MEF2C: variants seen among roughly 807,000 people sequenced by gnomAD.
MEF2C encodes myocyte enhancer factor 2C.
MEF2C carries 6 observed loss-of-function variants against 50.5 expected under a neutral mutation model. The ratio of observed to expected loss-of-function variants is 0.12; its 90% CI spans 0.07 to 0.23. The LOEUF is 0.23. Ranked by LOEUF, MEF2C falls within the 10% of genes least tolerant of loss-of-function variation. The pLI is 1.00. For missense variants in MEF2C, 276 were observed against 605.0 expected (o/e 0.46, Z 5.70); for synonymous variants, 183 against 228.0 (o/e 0.80, Z 1.78).
At chr5:88,883,436 CAG>C (rs1833583727), upstream of MEF2C, 1 of 143,854 alleles carries the variant, frequency 7.0e-6, no homozygotes, top group Admixed American at 7.7e-5. Flanking sequence ...AAGGAAGTGA[CAG>C]AAGACGAATG....
intron 4 of MEF2C, among the ~76,000 whole-genome samples, chr5:88,753,615 T>C (rs1773879253): frequency 6.6e-6 from 1 of 152,200 alleles, no homozygotes; most frequent in South Asian, 2.1e-4. Context: ...GGTCTTGAAC[T>C]CCTGAGCGCA....
intron 6 of MEF2C, chr5:88,746,783 G>T: frequency 1.3e-6 from 1 of 753,218 alleles, no homozygotes; most frequent in South Asian, 6.0e-5. Context: ...GGACATGACA[G>T]CTAAGCTTGA....
rs144142487 is a variant in MEF2C, at chr5:88,830,461, T to A, written c.-142-6531A>T. 2.2e-4 allele frequency among the ~76,000 whole-genome samples: 33 copies of A among 152,244 alleles called. 1 individual carries two copies. The East Asian group carries it at 6.2e-3, about 29-fold the overall frequency. On this transcript the variant is annotated intron_variant, in intron 1 of 10. Transcript: ENST00000504921. ...AGAATTTAGGAGACACATACCTTTATACAATTGTATTGCATTATAAACAAT... is the reference window on the plus strand; with the variant it reads ...AGAATTTAGGAGACACATACCTTTAAACAATTGTATTGCATTATAAACAAT...
intron 5 of MEF2C, chr5:88,749,592 T>A: frequency 1.4e-6 from 1 of 711,592 alleles, no homozygotes; most frequent in Non-Finnish European, 1.7e-6. Context: ...TCTTATTGAC[T>A]GACACAATAT....
At chr5:88,739,927 A>C in intron 6 of MEF2C, 2 of 985,286 alleles carry the variant, frequency 2.0e-6, no homozygotes, top group Non-Finnish European at 2.4e-6. Flanking sequence ...CACAAAATAA[A>C]GGCTCCACTT....
chr5:88,823,904 G>A lies in MEF2C; in HGVS notation c.-116C>T. On this transcript the variant is annotated 5_prime_UTR_variant, in exon 2 of 11. Transcript: ENST00000504921. ...CCTTCTTCAGCACTTGCACAGCTCAGTTCCCAAATTCCTGCATTCGTTCCT... is the reference window on the plus strand; with the variant it reads ...CCTTCTTCAGCACTTGCACAGCTCAATTCCCAAATTCCTGCATTCGTTCCT... The A allele has an allele frequency of 6.7e-7, 1 of 1,487,532 alleles. No homozygotes were observed. The highest frequency in any genetic ancestry group is 2.2e-5 in the Admixed American group (1 of 44,722). 92.1% of individuals were successfully genotyped at this position (1,487,532 alleles called of 1,614,324 possible).
At chr5:88,869,983 T>TA (rs1386302977) in intron 1 of MEF2C, among the ~76,000 whole-genome samples, 1 of 151,628 alleles carries the variant, frequency 6.6e-6, no homozygotes. Context: ...AACTGGTACT[T>TA]ACGGCCATAT....
At chr5:88,803,158 G>A (rs1308321603) in intron 3 of MEF2C, among the ~76,000 whole-genome samples, 1 of 152,082 alleles carries the variant, frequency 6.6e-6, no homozygotes, top group African/African-American at 2.4e-5. Flanking sequence ...TTTTATCAGT[G>A]ATCCTAAATT....
chr5:88,771,096 A>G (rs1332374777), intron 3 of MEF2C, among the ~76,000 whole-genome samples: 1 of 152,226 alleles, frequency 6.6e-6, no homozygotes, highest in African/African-American at 2.4e-5. Flanking sequence ...ATCACATCTC[A>G]TAAGACTTAT....
At chr5:88,896,929 T>A (rs1835172155) in intron 1 of MEF2C, among the ~76,000 whole-genome samples, 1 of 139,972 alleles carries the variant, frequency 7.1e-6, no homozygotes, top group Non-Finnish European at 1.5e-5. Flanking sequence ...GTATCAGTTG[T>A]GAACTCAGTA....
chr5:88,808,356 A>G (rs1801408017), intron 2 of MEF2C, among the ~76,000 whole-genome samples: 1 of 152,164 alleles, frequency 6.6e-6, no homozygotes, highest in Admixed American at 6.5e-5. Context: ...TCAATACAGT[A>G]TGGTTTCTGT....
chr5:88,781,535 T>C (rs1318112451), intron 3 of MEF2C, among the ~76,000 whole-genome samples: 1 of 152,228 alleles, frequency 6.6e-6, no homozygotes, highest in Non-Finnish European at 1.5e-5. Context: ...AAAATGTGTG[T>C]CTGTCCCTCC....
intron 3 of MEF2C, among the ~76,000 whole-genome samples, chr5:88,764,062 T>C (rs1298861304): frequency 6.6e-6 from 1 of 152,164 alleles, no homozygotes; most frequent in African/African-American, 2.4e-5. Context: ...AACCAATAAA[T>C]CTTATTGTAA....
At chr5:88,741,557 G>A (rs79032298) in intron 6 of MEF2C, 27,946 of 985,114 alleles carry the variant, frequency 0.028, 462 homozygotes, top group Non-Finnish European at 0.032. Context: ...TAATATTAGA[G>A]CCAACTAAAG....
intron 7 of MEF2C, 42 bp downstream of exon 7, chr5:88,731,687 A>G (rs1761726713): frequency 6.4e-7 from 1 of 1,556,798 alleles, no homozygotes; most frequent in Non-Finnish European, 8.8e-7. Context: ...AAACATATAC[A>G]AAACATTATC....
Position 88,729,165 on chromosome 5 carries a change from A to G in MEF2C, c.964+53T>C, listed in dbSNP as rs571625337. ...AGTAAAAGATAACTTTTTCATCTTG[A>G]TTTTCAATAAAAAGTATTTAGTGTA... is the stretch of plus-strand genomic sequence containing the variant. On this transcript the variant is annotated intron_variant, in intron 9 of 10. Coordinates refer to ENST00000504921, the MANE Select transcript of MEF2C (RefSeq NM_002397.5). 185 of 1,606,680 alleles carry G rather than the reference A, an allele frequency of 1.2e-4. 1 individual carries two copies. In the South Asian group the frequency reaches 1.9e-3, roughly 16 times the overall value.
intron 6 of MEF2C, chr5:88,743,352 G>A (rs1767762859): frequency 1.0e-6 from 1 of 985,178 alleles, no homozygotes; most frequent in South Asian, 4.7e-5. Context: ...TTGCAGAGAA[G>A]TCTTTCTGGC....
At chr5:88,845,293 A>T (rs1460141375) in intron 1 of MEF2C, among the ~76,000 whole-genome samples, 2 of 152,194 alleles carry the variant, frequency 1.3e-5, no homozygotes, top group Non-Finnish European at 2.9e-5. Context: ...CAGGAAGGAA[A>T]AGTTTTTAAA....
At chr5:88,892,768 T>G (rs1171483394) in intron 1 of MEF2C, among the ~76,000 whole-genome samples, 1 of 152,186 alleles carries the variant, frequency 6.6e-6, no homozygotes, top group Non-Finnish European at 1.5e-5. Flanking sequence ...CTGGTTGACC[T>G]TTGGAATGCT....
Sources: allele counts gnomAD v4.1 joint callset (sites outside exome capture counted in the v4.1 genomes callset), GRCh38; gene constraint gnomAD v4.1.1; transcripts MANE v1.5; gene names NCBI Gene and HGNC (gene_info 2026-07-23, HGNC 2026-07-21).